Variants in NCAPD3 observed in about 807,000 individuals in gnomAD.
NCAPD3 encodes condensin-2 complex subunit D3.
Under a neutral mutation model 182.9 loss-of-function variants are expected in NCAPD3, and 105 were observed. That is an observed-to-expected ratio of 0.57 (90% CI 0.49 to 0.68). NCAPD3 has a LOEUF of 0.68. Among genes scored for constraint, NCAPD3 ranks in the 30% least tolerant of loss-of-function variants. NCAPD3 has a pLI of 0.00. For missense variants in NCAPD3, 1,944 were observed against 1,837.0 expected, an observed-to-expected ratio of 1.06 and a Z score of -1.07; for synonymous variants, 815 against 679.9, an observed-to-expected ratio of 1.20 and a Z score of -3.09.
At chr11:134,200,127 G>A (rs1010878486) in intron 13 of NCAPD3, among the ~76,000 whole-genome samples, 3 of 152,050 alleles carry the variant, frequency 2.0e-5, no homozygotes, top group Non-Finnish European at 2.9e-5. Context: ...AAATGTGAGA[G>A]CTAAAACTAT....
intron 20 of NCAPD3, 110 bp downstream of exon 20, chr11:134,180,967 A>T (rs1944282360): frequency 1.4e-6 from 1 of 730,156 alleles, no homozygotes; most frequent in African/African-American, 1.8e-5. Context: ...CTAGGCTAAG[A>T]CAGCTCTTTT....
At chr11:134,167,133 CT>C (rs1230675553) in intron 27 of NCAPD3, among the ~76,000 whole-genome samples, 1 of 121,104 alleles carries the variant, frequency 8.3e-6, no homozygotes, top group Non-Finnish European at 1.7e-5. Context: ...GTGAGATGAG[CT>C]TGGGGGAGGG....
chr11:134,153,460 A>G (rs1335884783), intron 32 of NCAPD3, 97 bp from the exon 33 acceptor site: 10 of 1,288,174 alleles, frequency 7.8e-6, no homozygotes, highest in Non-Finnish European at 1.1e-5. Context: ...TGTCCACATC[A>G]GTGTCCCAGC....
At chr11:134,178,325 G>A (rs1375460142) in intron 22 of NCAPD3, among the ~76,000 whole-genome samples, 1 of 151,892 alleles carries the variant, frequency 6.6e-6, no homozygotes, top group East Asian at 1.9e-4. Flanking sequence ...TGAAGGTATT[G>A]AAAAAAAATT....
At chr11:134,178,502 T>C (rs1328691111) in intron 22 of NCAPD3, 132 bp downstream of exon 22, 3 of 663,102 alleles carry the variant, frequency 4.5e-6, no homozygotes, top group Non-Finnish European at 7.4e-6. Flanking sequence ...GAGCCACCTC[T>C]AGGAACCACA....
rs146453049 is a variant in NCAPD3 at position 134,201,277 on chromosome 11, G to A, written c.1615+1539C>T. 7.8e-3 allele frequency among the ~76,000 whole-genome samples: 1,179 copies of A among 151,938 alleles called. 11 individuals carry two copies. The highest frequency in any genetic ancestry group is 0.027 in the African/African-American group (1,102 of 41,424). On this transcript the variant is annotated intron_variant, in intron 13 of 34. Transcript: ENST00000534548. The stretch of plus-strand genomic sequence containing the variant: ...GACCTCGTGATCCTCCTCCCGTCTC[G>A]GCCTCCCAATGTGCCAGGATTACCG...
At chr11:134,169,928 G>A (rs1026999435) in intron 24 of NCAPD3, among the ~76,000 whole-genome samples, 9 of 152,198 alleles carry the variant, frequency 5.9e-5, no homozygotes, top group African/African-American at 1.9e-4. Context: ...CACCCACACA[G>A]GAGCACCAGT....
rs775252976 is a variant in NCAPD3, at chr11:134,217,070, T to C, written c.248A>G (p.Asn83Ser). The change falls in exon 3 of 35, where the codon AAT becomes AGT. Residue 83 changes from asparagine to serine, a missense_variant. Asn to Ser is a conservative substitution (Grantham distance 46). Around this residue, in one of 3 missense-constraint regions of NCAPD3, gnomAD observed 131 missense variants for 133.9 expected, o/e 0.98. Transcript: ENST00000534548. ...TGCCACCAGTGTACTATGGGAAACA[T>C]TGTTCTCAATGAAGAAGGTCCAGAT... ...ESIWTFFIEN[N>S]VSHSTLVALF... The C allele has an allele frequency of 5.0e-6, 8 of 1,612,426 alleles. No individual in the cohort carries two copies. The highest frequency in any genetic ancestry group is 4.5e-5 in the East Asian group (2 of 44,828).
At chr11:134,171,314 AGTT>A (rs1944001321) in intron 24 of NCAPD3, among the ~76,000 whole-genome samples, 1 of 152,208 alleles carries the variant, frequency 6.6e-6, no homozygotes, top group African/African-American at 2.4e-5. Context: ...TGTAAAAAGA[AGTT>A]ATTACTCTCT....
In NCAPD3 at chr11:134,203,865, C is replaced by G. The variant is rs1279821655; in HGVS notation, c.1257G>C (p.Leu419=). 6.2e-7 allele frequency: 1 copy of G among 1,614,148 alleles called. No individual in the cohort carries two copies. The highest frequency in any genetic ancestry group is 1.1e-5 in the South Asian group (1 of 91,080). The change falls in exon 11 of 35, where the codon CTG becomes CTC. Residue 419 remains leucine (L), a synonymous_variant. Transcript: ENST00000534548. The stretch of plus-strand genomic sequence containing the variant: ...CCACCTCTCTTTCAGGCAGTTCTAA[C>G]AGAGCTAAGACAACATCAAGAGTAA... ...RVFTLDVVLA[L]LELPEREVDN... is the part of the protein sequence containing the mutation.
chr11:134,184,552 G>A (rs1944358408), intron 19 of NCAPD3, 85 bp downstream of exon 19: 7 of 914,184 alleles, frequency 7.7e-6, no homozygotes, highest in Non-Finnish European at 1.2e-5. Context: ...TATTTATAGA[G>A]AATGCTCCTC....
upstream of NCAPD3, chr11:134,225,360 G>A (rs1938430313): frequency 3.1e-6 from 5 of 1,612,420 alleles, no homozygotes; most frequent in Non-Finnish European, 4.2e-6. Context: ...GTCGACCCCC[G>A]GGACCCCCTC....
chr11:134,208,889 G>A lies in NCAPD3; in HGVS notation c.857C>T (p.Ser286Phe). The A allele has an allele frequency of 1.9e-6, 3 of 1,612,770 alleles. No homozygotes were observed. The highest frequency in any genetic ancestry group is 1.7e-6 in the Non-Finnish European group (2 of 1,179,536). Residue 286 changes from serine to phenylalanine, a missense_variant, in exon 7 of 35, where the codon TCT becomes TTT. Ser to Phe is a radical substitution (Grantham distance 155). This residue lies in a region of NCAPD3 where 1,803 missense variants were observed against 1,674.6 expected (regional missense o/e 1.08). Coordinates refer to ENST00000534548, the MANE Select transcript of NCAPD3 (RefSeq NM_015261.3). Reference protein sequence around the residue: ...LAYYGLYLLCSPIHGEGDKVI... With the variant: ...LAYYGLYLLCFPIHGEGDKVI... ...CTTATCTCCTTCTCCATGAATGGGA[G>A]AGCACAGCAAATACAATCCATAATA...
chr11:134,199,293 G>A (rs1289875745), intron 13 of NCAPD3, among the ~76,000 whole-genome samples: 4 of 152,132 alleles, frequency 2.6e-5, no homozygotes, highest in South Asian at 4.1e-4. Flanking sequence ...GCAGCAAACA[G>A]AGAAAAAGCT....
In NCAPD3 at chr11:134,204,105, G is replaced by C; in HGVS notation, c.1156C>G (p.Pro386Ala). The change falls in exon 10 of 35, where the codon CCT (proline) becomes GCT (alanine). Residue 386 changes from proline to alanine, a missense_variant. Coordinates refer to ENST00000534548, the MANE Select transcript of NCAPD3 (RefSeq NM_015261.3). The surrounding 1 kb of genome is among the most constrained non-coding windows in gnomAD (Gnocchi z 4.3). ...ATGAACATAGCGTATTCCCCACAAG[G>C]AAGTTTACTGAGCAGCTGGACTAGG... is the stretch of plus-strand genomic sequence containing the variant. ...QSLVQLLSKL[P>A]CGEYAMFIAW... 1 of 1,614,088 alleles carries C rather than the reference G, an allele frequency of 6.2e-7. No homozygotes were observed. Among genetic ancestry groups the C allele is most frequent in the Non-Finnish European group, 8.5e-7 (1 of 1,179,980 alleles).
chr11:134,195,266 T>G (rs1323315300), intron 13 of NCAPD3, among the ~76,000 whole-genome samples: 4 of 152,208 alleles, frequency 2.6e-5, no homozygotes, highest in Non-Finnish European at 5.9e-5. Context: ...ATGCTAATTT[T>G]TTTTTATTTT....
chr11:134,192,331 A>T (rs562355750), intron 16 of NCAPD3, among the ~76,000 whole-genome samples: 2 of 152,340 alleles, frequency 1.3e-5, no homozygotes, highest in African/African-American at 4.8e-5. Flanking sequence ...GGTGTTAAAA[A>T]CAGTTTAACT....
At chr11:134,223,457 T>TCACA in intron 1 of NCAPD3, 1 of 702,564 alleles carries the variant, frequency 1.4e-6, no homozygotes, top group Non-Finnish European at 2.6e-6. Flanking sequence ...TTTGATGATG[T>TCACA]CTGCATGTGA....
Position 134,152,763 on chromosome 11 carries a change from TA to T in NCAPD3, c.*180del. The T allele has an allele frequency of 1.9e-6, 1 of 516,530 alleles. No individual in the cohort carries two copies. Among genetic ancestry groups the T allele is most frequent in the South Asian group, 4.0e-5 (1 of 24,888 alleles). 32.0% of individuals were successfully genotyped at this position (516,530 alleles called of 1,614,324 possible). ...CACATCTCTATTATTTGACAGTGTT[TA>T]ACCAAATACATCATACAGAATAGAA... On this transcript the variant is annotated 3_prime_UTR_variant, in exon 35 of 35. Coordinates refer to ENST00000534548, the MANE Select transcript of NCAPD3 (RefSeq NM_015261.3).
Sources: gnomAD v4.1 joint callset for allele counts (sites outside exome capture counted in the v4.1 genomes callset) on GRCh38, gnomAD v4.1.1 for gene constraint, gnomAD v4.1.1 regional missense constraint, Gnocchi (gnomAD v3.1) non-coding constraint, MANE v1.5 for transcripts, NCBI Gene and HGNC (gene_info 2026-07-23, HGNC 2026-07-21) for gene names.